THAP4: variants seen among roughly 807,000 people sequenced by gnomAD.
THAP4 encodes the protein THAP domain containing 4, also known as peroxynitrite isomerase THAP4.
In THAP4, 18 loss-of-function variants were observed where a neutral mutation model predicts 48.1. That is an observed-to-expected ratio of 0.37 (90% CI 0.26 to 0.56). THAP4 has a LOEUF of 0.56. Ranked by LOEUF, THAP4 falls within the 20% of genes least tolerant of loss-of-function variation. THAP4 has a pLI of 0.78. For synonymous variants in THAP4, 345 were observed against 324.9 expected, an observed-to-expected ratio of 1.06 and a Z score of -0.66; for missense variants, 656 against 774.9, an observed-to-expected ratio of 0.85 and a Z score of 1.82.
At chr2:241,622,782 T>C (rs889120915) in intron 2 of THAP4, among the ~76,000 whole-genome samples, 1 of 152,020 alleles carries the variant, frequency 6.6e-6, no homozygotes, top group Non-Finnish European at 1.5e-5. Flanking sequence ...TTATTTTTTT[T>C]TGTAGAGATG....
Position 241,633,603 on chromosome 2 carries a change from C to CCT in THAP4, c.552_553dup (p.Gly185GlufsTer27). 6.2e-7 allele frequency: 1 copy of CCT among 1,613,374 alleles called. No individual in the cohort carries two copies. Among genetic ancestry groups the CCT allele is most frequent in the Non-Finnish European group, 8.5e-7 (1 of 1,179,922 alleles). On this transcript the variant is annotated frameshift_variant, in exon 2 of 6. Coordinates refer to ENST00000407315, the MANE Select transcript of THAP4 (RefSeq NM_015963.6). LOFTEE classifies it high-confidence loss of function. The surrounding 1 kb of genome is among the most constrained non-coding windows in gnomAD (Gnocchi z 7.5). ...AGACGCTTCTGCTTTTCCCTGACTG[C>CCT]CTGCCACCATGGTGGCCAGTCCATC...
In THAP4 at chr2:241,621,664, C is replaced by T. The variant is rs139801455; in HGVS notation, c.1240+11253G>A. Among the ~76,000 whole-genome samples, 999 of 152,124 alleles carry T rather than the reference C, an allele frequency of 6.6e-3. 16 individuals carry two copies. The highest frequency in any genetic ancestry group is 0.023 in the African/African-American group (949 of 41,520). Reference sequence around the variant, plus strand: ...GGAGAATTGTGGGGCAAAAGTGTTACATGAGCATAATGGGAATGCCAGAAA... The same window carrying T: ...GGAGAATTGTGGGGCAAAAGTGTTATATGAGCATAATGGGAATGCCAGAAA... On this transcript the variant is annotated intron_variant, in intron 2 of 5. Coordinates refer to ENST00000407315, the MANE Select transcript of THAP4 (RefSeq NM_015963.6).
chr2:241,620,659 GGTGACTGAGGCA>G (rs1487364389), intron 2 of THAP4, among the ~76,000 whole-genome samples: 1 of 151,672 alleles, frequency 6.6e-6, no homozygotes, highest in Non-Finnish European at 1.5e-5. Context: ...TGAGTGAGTC[GGTGACTGAGGCA>G]GTGACTGCGG....
At chr2:241,585,993 C>A (rs998451347) in intron 5 of THAP4, among the ~76,000 whole-genome samples, 2 of 149,892 alleles carry the variant, frequency 1.3e-5, no homozygotes, top group Non-Finnish European at 3.0e-5. Context: ...CGGTGGTTCA[C>A]GCCTGTAATC....
chr2:241,584,852 A>C, intron 5 of THAP4, 127 bp from the exon 6 acceptor site: 2 of 1,251,958 alleles, frequency 1.6e-6, no homozygotes, highest in Non-Finnish European at 2.3e-6. Context: ...CTGCCAGAGG[A>C]GGGTAGACAC....
intron 2 of THAP4, among the ~76,000 whole-genome samples, chr2:241,628,239 C>T (rs1416338521): frequency 6.6e-6 from 1 of 152,058 alleles, no homozygotes; most frequent in East Asian, 1.9e-4. Context: ...CTGCCCCTCT[C>T]TCAGCGAGGC....
intron 2 of THAP4, among the ~76,000 whole-genome samples, chr2:241,632,649 G>A (rs991833279): frequency 2.0e-5 from 3 of 152,206 alleles, no homozygotes; most frequent in Non-Finnish European, 4.4e-5. Flanking sequence ...GAGGCGTTCA[G>A]GCACTCCTGG....
chr2:241,606,266 T>A, intron 3 of THAP4, 48 bp downstream of exon 3: 12 of 1,493,966 alleles, frequency 8.0e-6, no homozygotes, highest in Non-Finnish European at 1.1e-5. Context: ...TTCAGAGACC[T>A]AGGCGGCCCA....
intron 2 of THAP4, among the ~76,000 whole-genome samples, chr2:241,615,581 C>T (rs963893874): frequency 7.9e-5 from 12 of 152,190 alleles, no homozygotes; most frequent in South Asian, 2.1e-4. Context: ...TCTAATATTT[C>T]GAGAAAAGCC....
Position 241,632,973 on chromosome 2 carries a change from T to C in THAP4, c.1184A>G (p.Asp395Gly), listed in dbSNP as rs1329968517. Residue 395 changes from aspartate (D) to glycine (G), a missense_variant, in exon 2 of 6, where the codon GAT becomes GGT. Around this residue, in one of 4 missense-constraint regions of THAP4, gnomAD observed 176 missense variants for 256.7 expected, o/e 0.69. Transcript: ENST00000407315. ...SQVRKLQEKL[D>G]ELRRVSVPYP... ...GGGGACGCTCACTCTCCTCAGCTCA[T>C]CCAGCTTCTCCTGTAGCTTCCGCAC... is the stretch of plus-strand genomic sequence containing the variant. The C allele has an allele frequency of 6.2e-7, 1 of 1,613,542 alleles. No homozygotes were observed. Among genetic ancestry groups the C allele is most frequent in the Admixed American group, 1.7e-5 (1 of 59,938 alleles).
At chr2:241,604,432 G>C (rs1189307133) in intron 3 of THAP4, among the ~76,000 whole-genome samples, 2 of 151,940 alleles carry the variant, frequency 1.3e-5, no homozygotes, top group Non-Finnish European at 2.9e-5. Flanking sequence ...TGTAATTTTA[G>C]TAGAGACCAG....
chr2:241,634,633 C>T (rs2067614064), intron 1 of THAP4, among the ~76,000 whole-genome samples: 1 of 152,250 alleles, frequency 6.6e-6, no homozygotes, highest in Admixed American at 6.5e-5. Context: ...ATGCCCACCT[C>T]CAGGAGTAAA....
chr2:241,636,242 C>G (rs989736438), intron 1 of THAP4, among the ~76,000 whole-genome samples: 1 of 152,244 alleles, frequency 6.6e-6, no homozygotes, highest in Non-Finnish European at 1.5e-5. Context: ...TTAAATAACA[C>G]CATGCAACAT....
Position 241,601,853 on chromosome 2 carries a change from CAA to C in THAP4, c.1614+41_1614+42del. ...AAGAGGCTGACTCCACAGACCGCTG[CAA>C]ACAGAAGACAGGAGCGTGCTGGGAG... On this transcript the variant is annotated intron_variant, in intron 5 of 5. Coordinates refer to ENST00000407315, the MANE Select transcript of THAP4 (RefSeq NM_015963.6). The surrounding 1 kb of genome is among the most constrained non-coding windows in gnomAD (Gnocchi z 4.0). 1 of 1,611,124 alleles carries C rather than the reference CAA, an allele frequency of 6.2e-7. No individual in the cohort carries two copies. The highest frequency in any genetic ancestry group is 8.5e-7 in the Non-Finnish European group (1 of 1,178,936).
At position 241,602,986 on chromosome 2, in the gene THAP4, G is replaced by C; in HGVS notation, c.1494C>G (p.Val498=). The C allele has an allele frequency of 6.2e-7, 1 of 1,613,914 alleles. No homozygotes were observed. The highest frequency in any genetic ancestry group is 8.5e-7 in the Non-Finnish European group (1 of 1,179,862). ...GGGCCTCACCTGTGTTCTGGGCGCT[G>C]ACAAAGGCCACCTTGTTGGTGTCGG... is the stretch of plus-strand genomic sequence containing the variant. The part of the protein sequence containing the change: ...LKPDTNKVAF[V]SAQNTGVVEV... The change falls in exon 4 of 6, where the codon GTC becomes GTG. Residue 498 remains valine, a synonymous_variant. Coordinates refer to ENST00000407315, the MANE Select transcript of THAP4 (RefSeq NM_015963.6).
chr2:241,633,121 G>A lies in THAP4; in HGVS notation c.1036C>T (p.His346Tyr), dbSNP rs1477867743. ...TGCCGGGAGGAGAAGCAGTAGGAGT[G>A]CAGTGAGTCGATGAGCTTGCAGGCC... is the stretch of plus-strand genomic sequence containing the variant. ...SGACKLIDSL[H>Y]SYCFSSRQNK... The change falls in exon 2 of 6, where the codon CAC becomes TAC. Residue 346 changes from histidine (H) to tyrosine (Y), a missense_variant. By Grantham distance (83) the His-to-Tyr change is moderately conservative. Transcript: ENST00000407315. This position sits in a 1 kb window ranked among gnomAD's most constrained non-coding sequence, Gnocchi z 7.5. The A allele has an allele frequency of 6.2e-7, 1 of 1,613,144 alleles. No individual in the cohort carries two copies. The highest frequency in any genetic ancestry group is 8.5e-7 in the Non-Finnish European group (1 of 1,179,708).
chr2:241,585,378 C>A (rs1036226362), intron 5 of THAP4, among the ~76,000 whole-genome samples: 2 of 141,926 alleles, frequency 1.4e-5, no homozygotes, highest in Non-Finnish European at 3.0e-5. Flanking sequence ...CTCTCTAGTG[C>A]CCCAGATGTG....
At chr2:241,605,307 A>G (rs1017151029) in intron 3 of THAP4, among the ~76,000 whole-genome samples, 1 of 152,196 alleles carries the variant, frequency 6.6e-6, no homozygotes, top group African/African-American at 2.4e-5. Flanking sequence ...TGAAACTGCT[A>G]GGCATTATAC....
intron 2 of THAP4, among the ~76,000 whole-genome samples, chr2:241,615,826 GT>G (rs1464234883): frequency 2.0e-5 from 3 of 152,264 alleles, no homozygotes; most frequent in East Asian, 3.9e-4. Flanking sequence ...GCACATCCCC[GT>G]GCCCCAAGCC....
Sources: gnomAD v4.1 joint callset for allele counts (sites outside exome capture counted in the v4.1 genomes callset) on GRCh38, gnomAD v4.1.1 for gene constraint, gnomAD v4.1.1 regional missense constraint, Gnocchi (gnomAD v3.1) non-coding constraint, MANE v1.5 for transcripts, NCBI Gene and HGNC (gene_info 2026-07-23, HGNC 2026-07-21) for gene names.